The following ENTPD1 variants were observed in gnomAD, a reference collection of about 807,000 sequenced individuals.
The protein encoded by ENTPD1 is ectonucleoside triphosphate diphosphohydrolase 1.
In ENTPD1, 33 loss-of-function variants were observed where a neutral mutation model predicts 57.0. The ratio of observed to expected loss-of-function variants is 0.58; its 90% CI spans 0.44 to 0.77. ENTPD1 has a LOEUF of 0.77. Ranked by LOEUF, ENTPD1 falls within the 30% of genes least tolerant of loss-of-function variation. The pLI is 0.00. For missense variants in ENTPD1, 501 were observed against 603.4 expected, an observed-to-expected ratio of 0.83 and a Z score of 1.78; for synonymous variants, 202 against 218.8, an observed-to-expected ratio of 0.92 and a Z score of 0.68.
intron 2 of ENTPD1, among the ~76,000 whole-genome samples, chr10:95,836,004 TTG>T (rs1249131860): frequency 2.0e-5 from 3 of 152,182 alleles, no homozygotes; most frequent in African/African-American, 7.2e-5. Context: ...TTTTTGTATA[TTG>T]TGAGAGGTAG....
upstream of ENTPD1, among the ~76,000 whole-genome samples, chr10:95,751,814 TG>T (rs1338749512): frequency 1.3e-5 from 2 of 151,910 alleles, no homozygotes; most frequent in Admixed American, 6.6e-5. Flanking sequence ...GAGCTGCTTG[TG>T]GGATATTCTC....
chr10:95,807,486 C>T (rs2098278141), intron 1 of ENTPD1, among the ~76,000 whole-genome samples: 1 of 152,252 alleles, frequency 6.6e-6, no homozygotes, highest in African/African-American at 2.4e-5. Flanking sequence ...ATGCCCCGCC[C>T]TGCTTCAGCT....
At chr10:95,788,544 G>A (rs1305060134) in intron 1 of ENTPD1, among the ~76,000 whole-genome samples, 4 of 151,988 alleles carry the variant, frequency 2.6e-5, no homozygotes, top group Non-Finnish European at 4.4e-5. Flanking sequence ...TTGAACATGG[G>A]AGGTGGAGGT....
intron 7 of ENTPD1, among the ~76,000 whole-genome samples, chr10:95,853,777 G>T (rs1203020366): frequency 2.0e-5 from 3 of 152,204 alleles, no homozygotes; most frequent in Non-Finnish European, 2.9e-5. Flanking sequence ...TCCCAGGGAT[G>T]AAGCCCACTT....
At chr10:95,830,161 C>A (rs1356143057) in intron 2 of ENTPD1, among the ~76,000 whole-genome samples, 1 of 152,124 alleles carries the variant, frequency 6.6e-6, no homozygotes, top group Non-Finnish European at 1.5e-5. Flanking sequence ...TGGACTAAGA[C>A]AAATGGTAAG....
intron 1 of ENTPD1, among the ~76,000 whole-genome samples, chr10:95,803,466 G>T (rs757495759): frequency 2.0e-4 from 30 of 152,344 alleles, no homozygotes; most frequent in Non-Finnish European, 4.0e-4. Flanking sequence ...CAGTGATGAT[G>T]AGCATTTTTT....
the ENTPD1 span, among the ~76,000 whole-genome samples, chr10:95,705,476 C>T: frequency 7.2e-5 from 11 of 152,000 alleles, no homozygotes; most frequent in African/African-American, 2.7e-4. Context: ...AAAGTACTGC[C>T]ACACAACAAT....
At chr10:95,818,806 T>C (rs2098338764) in intron 1 of ENTPD1, among the ~76,000 whole-genome samples, 1 of 152,216 alleles carries the variant, frequency 6.6e-6, no homozygotes, top group Non-Finnish European at 1.5e-5. Flanking sequence ...AGGACCAGTC[T>C]TCTGAGCTTC....
intron 1 of ENTPD1, among the ~76,000 whole-genome samples, chr10:95,758,816 A>C (rs553428328): frequency 6.6e-5 from 10 of 152,328 alleles, no homozygotes; most frequent in African/African-American, 2.4e-4. Flanking sequence ...GGAAGTGGAC[A>C]TATGCTGAGT....
At chr10:95,799,514 A>C (rs1214066496) in intron 1 of ENTPD1, among the ~76,000 whole-genome samples, 1 of 152,138 alleles carries the variant, frequency 6.6e-6, no homozygotes, top group African/African-American at 2.4e-5. Context: ...TGTGGTGTAT[A>C]TGTACCACAT....
intron 1 of ENTPD1, among the ~76,000 whole-genome samples, chr10:95,799,105 T>G (rs2098238114): frequency 6.6e-6 from 1 of 152,232 alleles, no homozygotes; most frequent in Non-Finnish European, 1.5e-5. Context: ...GATGGATGTG[T>G]AAGGCATAAT....
At chr10:95,712,596 G>A (rs1055001363) in intron 1 of ENTPD1, among the ~76,000 whole-genome samples, 5 of 152,090 alleles carry the variant, frequency 3.3e-5, no homozygotes, top group Non-Finnish European at 7.4e-5. Flanking sequence ...CATCTGTAAG[G>A]GGCTCCTGTT....
rs1023759516 is a variant in ENTPD1 at position 95,713,645 on chromosome 10, C to T, written c.37+1652C>T. Among the ~76,000 whole-genome samples the T allele has an allele frequency of 1.3e-5, 2 of 152,186 alleles. 1 individual carries two copies. The highest frequency in any genetic ancestry group is 1.3e-4 in the Admixed American group (2 of 15,274). On this transcript the variant is annotated intron_variant, in intron 1 of 9. Coordinates refer to the ENTPD1 transcript ENST00000453258. ...CCTGTAGTACTTGTAAGCTCTTTAA[C>T]TCAACAGCACAAACATTTATAAAAC...
chr10:95,710,123 G>C (rs1340874903), upstream of ENTPD1, among the ~76,000 whole-genome samples: 1 of 151,926 alleles, frequency 6.6e-6, no homozygotes, highest in African/African-American at 2.4e-5. Context: ...AACCATGATA[G>C]GCCAGGCACG....
At position 95,869,020 on chromosome 10, in the gene ENTPD1, G is replaced by A. The variant is rs930489542; in HGVS notation, c.*2637G>A. 1 of 985,098 alleles carries A rather than the reference G, an allele frequency of 1.0e-6. No homozygotes were observed. Among genetic ancestry groups the A allele is most frequent in the African/African-American group, 1.7e-5 (1 of 57,148 alleles). 61.0% of individuals were successfully genotyped at this position (985,098 alleles called of 1,614,324 possible). A position where few individuals can be genotyped will look rare whatever the true frequency, so the allele number is the denominator to read the frequency against. ...ATCTGCTTTGGGCCACTCTGGGTGG[G>A]GTAGGTGAAATAAGATTGGTCACTG... On this transcript the variant is annotated 3_prime_UTR_variant, in exon 10 of 10. Transcript: ENST00000371205.
chr10:95,820,300 A>G (rs1022736848), intron 1 of ENTPD1, among the ~76,000 whole-genome samples: 3 of 152,250 alleles, frequency 2.0e-5, no homozygotes, highest in African/African-American at 4.8e-5. Context: ...TTGAAAAATC[A>G]TGTATGAAAA....
At chr10:95,859,226 T>A (rs1413854255) in intron 7 of ENTPD1, among the ~76,000 whole-genome samples, 2 of 152,228 alleles carry the variant, frequency 1.3e-5, no homozygotes, top group African/African-American at 4.8e-5. Context: ...ACGGCCTGTT[T>A]GCAGCAGGAA....
chr10:95,800,630 A>G (rs1214955188), intron 1 of ENTPD1, among the ~76,000 whole-genome samples: 2 of 152,150 alleles, frequency 1.3e-5, no homozygotes, highest in Non-Finnish European at 2.9e-5. Flanking sequence ...ACCTATCCCC[A>G]GGAATGCATT....
chr10:95,836,969 T>G (rs1205967761), intron 2 of ENTPD1, among the ~76,000 whole-genome samples: 1 of 152,184 alleles, frequency 6.6e-6, no homozygotes, highest in Non-Finnish European at 1.5e-5. Flanking sequence ...AGACAAAATG[T>G]TTGGCACAGT....
Sources: allele counts gnomAD v4.1 joint callset (sites outside exome capture counted in the v4.1 genomes callset), GRCh38; gene constraint gnomAD v4.1.1; transcripts MANE v1.5; gene names NCBI Gene and HGNC (gene_info 2026-07-23, HGNC 2026-07-21).